The following MS4A6E variants were observed in gnomAD, a reference collection of about 807,000 sequenced individuals.
The protein encoded by MS4A6E is membrane spanning 4-domains A6E.
MS4A6E carries 8 observed loss-of-function variants against 13.2 expected under a neutral mutation model. That is an observed-to-expected ratio of 0.60 (90% CI 0.35 to 1.09). The LOEUF is 1.09. MS4A6E is among the 50% of genes least tolerant of loss of function. MS4A6E has a pLI of 0.02. For missense variants in MS4A6E, 177 were observed against 171.1 expected, an observed-to-expected ratio of 1.03 and a Z score of -0.19; for synonymous variants, 72 against 67.6, an observed-to-expected ratio of 1.06 and a Z score of -0.32.
intron 1 of MS4A6E, among the ~76,000 whole-genome samples, chr11:60,330,821 A>C (rs2085150774): frequency 6.6e-6 from 1 of 152,134 alleles, no homozygotes; most frequent in African/African-American, 2.4e-5. Flanking sequence ...GCCCAGTTTT[A>C]GTTTTCTGCA....
At chr11:60,335,996 A>G (rs1335273764) in intron 2 of MS4A6E, among the ~76,000 whole-genome samples, 1 of 152,180 alleles carries the variant, frequency 6.6e-6, no homozygotes, top group Non-Finnish European at 1.5e-5. Context: ...CAGGAAAAAT[A>G]ACTAATGCAC....
chr11:60,342,204 G>GT (rs1262363349), downstream of MS4A6E, among the ~76,000 whole-genome samples: 2 of 98,198 alleles, frequency 2.0e-5, no homozygotes, highest in African/African-American at 4.9e-5. Flanking sequence ...AGAGAGAGGG[G>GT]GGGGGAGAGA....
downstream of MS4A6E, among the ~76,000 whole-genome samples, chr11:60,345,558 G>C (rs184539221): frequency 6.6e-6 from 1 of 152,128 alleles, no homozygotes; most frequent in African/African-American, 2.4e-5. Context: ...TGGCTGCATT[G>C]GTTTGTATTA....
At chr11:60,327,847 T>C (rs950733466) in intron 1 of MS4A6E, among the ~76,000 whole-genome samples, 1 of 151,906 alleles carries the variant, frequency 6.6e-6, no homozygotes, top group Non-Finnish European at 1.5e-5. Flanking sequence ...TTGGCTGATA[T>C]GGTGAAACCT....
chr11:60,346,279 T>C (rs1284198517), downstream of MS4A6E, among the ~76,000 whole-genome samples: 1 of 152,206 alleles, frequency 6.6e-6, no homozygotes, highest in African/African-American at 2.4e-5. Context: ...AATCCTGGGC[T>C]TTGCAAGCCT....
At chr11:60,338,055 T>A in intron 3 of MS4A6E, 108 bp downstream of exon 3, 4 of 1,180,304 alleles carry the variant, frequency 3.4e-6, no homozygotes, top group Non-Finnish European at 3.6e-6. Context: ...GGTTTGGGCA[T>A]CTGGAGGAAG....
chr11:60,339,313 T>C (rs937405148), intron 3 of MS4A6E, among the ~76,000 whole-genome samples: 1 of 152,024 alleles, frequency 6.6e-6, no homozygotes, highest in Non-Finnish European at 1.5e-5. Flanking sequence ...ATAAAAAACA[T>C]CCAAACAGGT....
At chr11:60,343,069 G>A (rs962813), downstream of MS4A6E, among the ~76,000 whole-genome samples, 3,878 of 152,174 alleles carry the variant, frequency 0.025, 136 homozygotes, top group Admixed American at 0.088. Context: ...TCAATCTAAC[G>A]GTCCTCAGAA....
downstream of MS4A6E, among the ~76,000 whole-genome samples, chr11:60,341,599 A>G (rs200142544): frequency 5.6e-5 from 4 of 71,468 alleles, no homozygotes; most frequent in Admixed American, 2.6e-4. Context: ...ACACACACGC[A>G]CACACACACA....
chr11:60,348,463 C>G (rs1413545068), intron 4 of MS4A6E, among the ~76,000 whole-genome samples: 1 of 152,208 alleles, frequency 6.6e-6, no homozygotes, highest in Non-Finnish European at 1.5e-5. Context: ...CTAATCTTTC[C>G]TAACAGGACT....
chr11:60,335,801 G>T (rs957729284), intron 2 of MS4A6E, among the ~76,000 whole-genome samples: 1 of 152,198 alleles, frequency 6.6e-6, no homozygotes, highest in Admixed American at 6.5e-5. Context: ...CTCTGAGGTG[G>T]ATGTCAGGAA....
rs2085222224 is a variant in MS4A6E, at chr11:60,341,062, A to T, written c.*296A>T. ...AGCACAGGGCTGTAAATTACCATTTACTAGACTAGCCAAATAGTCTTAGAC... is the reference window on the plus strand; with the variant it reads ...AGCACAGGGCTGTAAATTACCATTTTCTAGACTAGCCAAATAGTCTTAGAC... On this transcript the variant is annotated 3_prime_UTR_variant, in exon 5 of 5. Transcript: ENST00000684409. The T allele has an allele frequency of 6.6e-6, 1 of 152,262 alleles. No individual in the cohort carries two copies. The highest frequency in any genetic ancestry group is 1.5e-5 in the Non-Finnish European group (1 of 68,046). The allele number at this position is 152,262 out of a possible 1,614,324, so 9.4% of individuals were successfully genotyped here.
chr11:60,348,195 G>T (rs983997866), intron 4 of MS4A6E, among the ~76,000 whole-genome samples: 1 of 152,138 alleles, frequency 6.6e-6, no homozygotes, highest in African/African-American at 2.4e-5. Context: ...CACAGAAGGA[G>T]CATAAAGCCT....
At chr11:60,335,350 T>G (rs1307135593) in intron 2 of MS4A6E, among the ~76,000 whole-genome samples, 2 of 152,242 alleles carry the variant, frequency 1.3e-5, no homozygotes, top group Non-Finnish European at 2.9e-5. Context: ...ACATATTGTA[T>G]ATACATTTTT....
intron 3 of MS4A6E, 29 bp from the exon 4 acceptor site, chr11:60,339,837 T>C (rs369438680): frequency 5.6e-6 from 9 of 1,600,964 alleles, no homozygotes; most frequent in South Asian, 1.1e-5. Context: ...GACCCAAGCA[T>C]CACTGATATT....
intron 2 of MS4A6E, among the ~76,000 whole-genome samples, chr11:60,336,427 C>T (rs2085189049): frequency 6.6e-6 from 1 of 152,026 alleles, no homozygotes; most frequent in African/African-American, 2.4e-5. Flanking sequence ...GCCTCTTACT[C>T]CAGAGAACAA....
At chr11:60,345,036 G>A (rs192243522), downstream of MS4A6E, among the ~76,000 whole-genome samples, 631 of 152,110 alleles carry the variant, frequency 4.1e-3, 5 homozygotes, top group Admixed American at 6.4e-3. Flanking sequence ...CTGGGTTCAC[G>A]CCATTCTCCT....
chr11:60,340,166 T>C (rs1376292679), intron 4 of MS4A6E, among the ~76,000 whole-genome samples: 3 of 152,154 alleles, frequency 2.0e-5, no homozygotes, highest in Admixed American at 6.5e-5. Flanking sequence ...TCACTGGATA[T>C]GAAAATAGTT....
chr11:60,348,831 C>G (rs1023504079), intron 4 of MS4A6E, among the ~76,000 whole-genome samples: 4 of 152,182 alleles, frequency 2.6e-5, no homozygotes, highest in South Asian at 2.1e-4. Context: ...GTGGTTTGCC[C>G]TAAAGGCATG....
Sources: allele counts gnomAD v4.1 joint callset (sites outside exome capture counted in the v4.1 genomes callset), GRCh38; gene constraint gnomAD v4.1.1; transcripts MANE v1.5; gene names NCBI Gene and HGNC (gene_info 2026-07-23, HGNC 2026-07-21).